INIP: variants seen among roughly 807,000 people sequenced by gnomAD.
The protein encoded by INIP is INTS3 and NABP interacting protein.
INIP carries 9 observed loss-of-function variants against 14.0 expected under a neutral mutation model. The observed-to-expected ratio is 0.64, with a 90% CI of 0.39 to 1.12. INIP has a LOEUF of 1.12. Ranked by LOEUF, INIP falls within the 50% of genes most tolerant of loss-of-function variation. The pLI is 0.01. For synonymous variants in INIP, 37 were observed against 41.5 expected (o/e 0.89, Z 0.41); for missense variants, 78 against 122.7 (o/e 0.64, Z 1.72).
At chr9:112,713,984 C>CAA (rs376955548) in intron 2 of INIP, among the ~76,000 whole-genome samples, 5 of 78,810 alleles carry the variant, frequency 6.3e-5, no homozygotes, top group Admixed American at 1.3e-4. Context: ...AACTCCATCT[C>CAA]AAAAAAAAAA....
rs542521035 is a variant in INIP, at chr9:112,709,686, TTC to T, written c.25+6773_25+6774del. ...GATTCCTGTCATCCCACATTGACAA[TTC>T]TCTGTCAGTGAAGTTTTTCATTAGA... is the stretch of plus-strand genomic sequence containing the variant. On this transcript the variant is annotated intron_variant, in intron 2 of 4. Transcript: ENST00000374242. 1.1e-3 allele frequency among the ~76,000 whole-genome samples: 171 copies of T among 152,336 alleles called. 1 individual carries two copies. The highest frequency in any genetic ancestry group is 3.9e-3 in the African/African-American group (164 of 41,576).
intron 2 of INIP, among the ~76,000 whole-genome samples, chr9:112,705,166 A>G (rs994600474): frequency 1.3e-5 from 2 of 151,548 alleles, no homozygotes; most frequent in African/African-American, 4.8e-5. Flanking sequence ...CCAACAGGTT[A>G]ATATTTTAAA....
intron 2 of INIP, among the ~76,000 whole-genome samples, chr9:112,706,613 C>T (rs1164488215): frequency 2.0e-5 from 3 of 152,074 alleles, no homozygotes; most frequent in Non-Finnish European, 2.9e-5. Context: ...CTAACTAGGG[C>T]ATCAATATAT....
intron 3 of INIP, 95 bp downstream of exon 3, chr9:112,694,036 T>C (rs1481225738): frequency 8.2e-6 from 6 of 731,882 alleles, no homozygotes; most frequent in East Asian, 2.9e-5. Context: ...GATTGCACCA[T>C]TGCACTCCAG....
At chr9:112,693,612 T>C (rs1339071745) in intron 3 of INIP, among the ~76,000 whole-genome samples, 1 of 152,230 alleles carries the variant, frequency 6.6e-6, no homozygotes, top group Non-Finnish European at 1.5e-5. Flanking sequence ...TTAATCTGTC[T>C]TTTGTTACAG....
chr9:112,716,537 A>G lies in INIP; in HGVS notation c.-52T>C. ...AGTGGCAATTGGTCAGCACTTCACA[A>G]TCACCTATAAAATATGTGTACACAC... On this transcript the variant is annotated 5_prime_UTR_variant, in exon 2 of 5. Coordinates refer to ENST00000374242, the MANE Select transcript of INIP (RefSeq NM_021218.3). 6.5e-7 allele frequency: 1 copy of G among 1,543,004 alleles called. No individual in the cohort carries two copies. Among genetic ancestry groups the G allele is most frequent in the Non-Finnish European group, 9.0e-7 (1 of 1,115,328 alleles).
At chr9:112,707,663 A>G (rs1838523147) in intron 2 of INIP, among the ~76,000 whole-genome samples, 1 of 152,040 alleles carries the variant, frequency 6.6e-6, no homozygotes, top group Non-Finnish European at 1.5e-5. Context: ...TTCTTATTGT[A>G]AAAAAAATCT....
chr9:112,689,663 C>T, intron 3 of INIP, 46 bp from the exon 4 acceptor site: 1 of 1,479,954 alleles, frequency 6.8e-7, no homozygotes, highest in Non-Finnish European at 9.4e-7. Context: ...GCAGAAACAT[C>T]CTTACTTTTT....
At chr9:112,709,365 C>T (rs185350590) in intron 2 of INIP, among the ~76,000 whole-genome samples, 11 of 152,184 alleles carry the variant, frequency 7.2e-5, no homozygotes, top group African/African-American at 1.7e-4. Context: ...ATTCCCCCTA[C>T]TGAAGGGCGG....
intron 1 of INIP, among the ~76,000 whole-genome samples, chr9:112,716,810 C>A (rs1838834045): frequency 6.6e-6 from 1 of 151,728 alleles, no homozygotes; most frequent in Non-Finnish European, 1.5e-5. Flanking sequence ...AAAAAATCAG[C>A]CGGGTGTGGT....
chr9:112,699,584 G>A lies in INIP; in HGVS notation c.26-5351C>T, dbSNP rs533441944. 9.9e-5 allele frequency among the ~76,000 whole-genome samples: 15 copies of A among 152,114 alleles called. No individual in the cohort carries two copies. In the South Asian group the frequency reaches 2.1e-3, roughly 21 times the overall value. ...TCTAATTTATAAATTAAACTTTATC[G>A]TAGGTATGTATGTATAGGAAAAAAT... On this transcript the variant is annotated intron_variant, in intron 2 of 4. Coordinates refer to ENST00000374242, the MANE Select transcript of INIP (RefSeq NM_021218.3).
At chr9:112,701,388 C>A (rs1418381151) in intron 2 of INIP, among the ~76,000 whole-genome samples, 1 of 152,192 alleles carries the variant, frequency 6.6e-6, no homozygotes, top group Non-Finnish European at 1.5e-5. Context: ...TCACAGTGAG[C>A]CTGTTACCCA....
intron 2 of INIP, among the ~76,000 whole-genome samples, chr9:112,708,209 C>A (rs867162704): frequency 2.0e-5 from 3 of 152,206 alleles, no homozygotes; most frequent in East Asian, 1.9e-4. Flanking sequence ...CTTGACCTAG[C>A]GTGAAAGCGG....
intron 2 of INIP, among the ~76,000 whole-genome samples, chr9:112,700,210 G>A (rs915949478): frequency 2.0e-5 from 3 of 152,086 alleles, no homozygotes; most frequent in African/African-American, 7.2e-5. Flanking sequence ...GGTTATCAAA[G>A]CAATTGCTAA....
At chr9:112,691,506 A>T (rs2131283556) in intron 3 of INIP, among the ~76,000 whole-genome samples, 1 of 152,336 alleles carries the variant, frequency 6.6e-6, no homozygotes, top group East Asian at 1.9e-4. Flanking sequence ...GCAAATGCGT[A>T]AGTGATTAGC....
At position 112,686,279 on chromosome 9, in the gene INIP, C is replaced by A. The variant is rs529075745; in HGVS notation, c.*1259G>T. 6.6e-6 allele frequency: 1 copy of A among 152,048 alleles called. No individual in the cohort carries two copies. The highest frequency in any genetic ancestry group is 1.5e-5 in the Non-Finnish European group (1 of 68,014). The allele number at this position is 152,048 out of a possible 1,614,324, so 9.4% of individuals were successfully genotyped here. On this transcript the variant is annotated 3_prime_UTR_variant, in exon 5 of 5. Transcript: ENST00000374242. ...CAAACCCATGCGTGTATAAATATAT[C>A]ACGAAAATCTGTACAAGATATTTCA...
rs542510840 is a variant in INIP, at chr9:112,685,735, G to T, written c.*1803C>A. The T allele has an allele frequency of 2.0e-5, 3 of 152,198 alleles. No individual in the cohort carries two copies. The highest frequency in any genetic ancestry group is 6.5e-5 in the Admixed American group (1 of 15,280). 9.4% of individuals were successfully genotyped at this position (152,198 alleles called of 1,614,324 possible). Reference sequence around the variant, plus strand: ...CCTAGTGAAATCAACTCAAGACAATGAGGGCTACCATAAGGAGGCCCAAGG... The same window carrying T: ...CCTAGTGAAATCAACTCAAGACAATTAGGGCTACCATAAGGAGGCCCAAGG... On this transcript the variant is annotated 3_prime_UTR_variant, in exon 5 of 5. Transcript: ENST00000374242.
At chr9:112,687,947 G>A (rs895863609) in intron 4 of INIP, among the ~76,000 whole-genome samples, 7 of 152,070 alleles carry the variant, frequency 4.6e-5, no homozygotes, top group South Asian at 2.1e-4. Flanking sequence ...TTAGCCAGGC[G>A]TGGTGGCGGG....
Position 112,689,558 on chromosome 9 carries a change from T to A in INIP, c.188A>T (p.His63Leu). 6.2e-7 allele frequency: 1 copy of A among 1,614,178 alleles called. No individual in the cohort carries two copies. The highest frequency in any genetic ancestry group is 1.1e-5 in the South Asian group (1 of 91,072). Residue 63 changes from histidine to leucine, a missense_variant, in exon 4 of 5, where the codon CAT (histidine) becomes CTT (leucine). Transcript: ENST00000374242. ...KDFRDHAEQQ[H>L]IAAQQKAALQ... ...AGCTGCCTTCTGTTGGGCTGCAATA[T>A]GCTGCTGCTCAGCGTGATCCCGGAA...
Sources: allele counts gnomAD v4.1 joint callset (sites outside exome capture counted in the v4.1 genomes callset), GRCh38; gene constraint gnomAD v4.1.1; transcripts MANE v1.5; gene names NCBI Gene and HGNC (gene_info 2026-07-23, HGNC 2026-07-21).